PCBP3: variants seen among roughly 807,000 people sequenced by gnomAD.
The protein encoded by PCBP3 is poly(rC) binding protein 3.
A neutral mutation model predicts 52.7 loss-of-function variants in PCBP3; 25 were observed. The observed-to-expected ratio is 0.47, with a 90% CI of 0.35 to 0.66. The LOEUF is 0.66. Ranked by LOEUF, PCBP3 falls within the 30% of genes least tolerant of loss-of-function variation. PCBP3 has a pLI of 0.01. For missense variants in PCBP3, 391 were observed against 490.3 expected, an observed-to-expected ratio of 0.80 and a Z score of 1.91; for synonymous variants, 162 against 183.0, an observed-to-expected ratio of 0.89 and a Z score of 0.93.
At chr21:45,836,388 G>A (rs2093589176) in intron 4 of PCBP3, 1 of 152,182 alleles carries the variant, frequency 6.6e-6, no homozygotes, top group Admixed American at 6.6e-5. Flanking sequence ...GGGGTTTGGT[G>A]CTTGCTGCCT....
intron 2 of PCBP3, among the ~76,000 whole-genome samples, chr21:45,705,032 G>T (rs1268498599): frequency 1.3e-5 from 2 of 152,176 alleles, no homozygotes; most frequent in Non-Finnish European, 2.9e-5. Flanking sequence ...TGTTGTGAGG[G>T]TCACCTTGCT....
At chr21:45,894,354 A>T (rs1327415147) in intron 5 of PCBP3, among the ~76,000 whole-genome samples, 2 of 151,820 alleles carry the variant, frequency 1.3e-5, no homozygotes, top group Non-Finnish European at 1.5e-5. Flanking sequence ...TGTCCCTCTG[A>T]TGGGGAGGAG....
At chr21:45,843,722 GAT>G (rs543872023) in intron 4 of PCBP3, among the ~76,000 whole-genome samples, 122 of 152,328 alleles carry the variant, frequency 8.0e-4, no homozygotes, top group African/African-American at 2.8e-3. Flanking sequence ...CTGAGTAGGA[GAT>G]ATGTTCTGTG....
intron 2 of PCBP3, among the ~76,000 whole-genome samples, chr21:45,685,284 T>C (rs2082084612): frequency 6.6e-6 from 1 of 152,120 alleles, no homozygotes; most frequent in South Asian, 2.1e-4. Context: ...GGATACAGAG[T>C]TTCAGTTTTG....
At chr21:45,758,181 T>C (rs1346780117) in intron 4 of PCBP3, among the ~76,000 whole-genome samples, 1 of 152,248 alleles carries the variant, frequency 6.6e-6, no homozygotes, top group Non-Finnish European at 1.5e-5. Flanking sequence ...CTGGCCAGTC[T>C]ATGTATATTC....
intron 13 of PCBP3, among the ~76,000 whole-genome samples, chr21:45,925,102 G>A (rs1369541373): frequency 9.0e-5 from 7 of 77,410 alleles, no homozygotes; most frequent in African/African-American, 5.5e-4. Context: ...GGGAACAGTC[G>A]CGTGGGTAGA....
chr21:45,728,417 G>C (rs2085217134), intron 2 of PCBP3, among the ~76,000 whole-genome samples: 1 of 152,094 alleles, frequency 6.6e-6, no homozygotes, highest in Non-Finnish European at 1.5e-5. Context: ...TAAGCCAGTT[G>C]CATTTCTGGG....
chr21:45,704,855 A>G lies in PCBP3; in HGVS notation c.-199-30537A>G, dbSNP rs942197799. ...GTGATACAGTGCAGGTAGACGACAC[A>G]GGGCGCTGCTGTCTGCTGAATACAT... is the stretch of plus-strand genomic sequence containing the variant. On this transcript the variant is annotated intron_variant, in intron 2 of 17. Transcript: ENST00000681687. The surrounding 1 kb of genome is among the most constrained non-coding windows in gnomAD (Gnocchi z 4.1). 4.6e-5 allele frequency among the ~76,000 whole-genome samples: 7 copies of G among 152,234 alleles called. 1 individual carries two copies. The highest frequency in any genetic ancestry group is 1.7e-4 in the African/African-American group (7 of 41,476).
intron 4 of PCBP3, among the ~76,000 whole-genome samples, chr21:45,770,010 G>T (rs2145776846): frequency 1.3e-5 from 2 of 152,302 alleles, no homozygotes; most frequent in South Asian, 4.1e-4. Context: ...GGCACACAGT[G>T]GGCCGTGGAG....
At position 45,791,028 on chromosome 21, in the gene PCBP3, G is replaced by A. The variant is rs1311923465; in HGVS notation, c.-126+35576G>A. Among the ~76,000 whole-genome samples, 3 of 152,250 alleles carry A rather than the reference G, an allele frequency of 2.0e-5. No homozygotes were observed. The East Asian group carries it at 5.8e-4, about 30-fold the overall frequency. On this transcript the variant is annotated intron_variant, in intron 4 of 17. Coordinates refer to ENST00000681687, the MANE Select transcript of PCBP3 (RefSeq NM_001384156.1). This position sits in a 1 kb window ranked among gnomAD's most constrained non-coding sequence, Gnocchi z 4.2. ...CAAGGGCAGGAGAACCACTGGGGCA[G>A]CCTTGGGATGCCCAGGATGGGGGTG...
chr21:45,863,803 G>A (rs1375365543), intron 5 of PCBP3, among the ~76,000 whole-genome samples: 4 of 152,228 alleles, frequency 2.6e-5, no homozygotes, highest in South Asian at 2.1e-4. Flanking sequence ...CGGGCAGGAC[G>A]GTTGGCTGAG....
chr21:45,734,985 A>C (rs2085755986), intron 2 of PCBP3, among the ~76,000 whole-genome samples: 1 of 152,198 alleles, frequency 6.6e-6, no homozygotes, highest in Non-Finnish European at 1.5e-5. Context: ...AAGGCCCTTC[A>C]GGGTGGAGCC....
At chr21:45,900,135 C>T (rs2095989906) in intron 7 of PCBP3, among the ~76,000 whole-genome samples, 1 of 152,244 alleles carries the variant, frequency 6.6e-6, no homozygotes, top group East Asian at 1.9e-4. Context: ...GGGTCCTTCC[C>T]CTCAGTCCCA....
chr21:45,902,390 T>A (rs942045571), intron 9 of PCBP3, among the ~76,000 whole-genome samples: 7 of 151,810 alleles, frequency 4.6e-5, no homozygotes, highest in Admixed American at 2.0e-4. Context: ...TAGTTTCCCC[T>A]TTAAGCCACT....
chr21:45,684,692 A>T (rs2082049462), intron 2 of PCBP3, among the ~76,000 whole-genome samples: 4 of 152,202 alleles, frequency 2.6e-5, no homozygotes, highest in Admixed American at 1.3e-4. Flanking sequence ...GGCCAAGCAG[A>T]TGCTGGTGCC....
chr21:45,820,012 G>C (rs2093082710), intron 4 of PCBP3, among the ~76,000 whole-genome samples: 2 of 152,214 alleles, frequency 1.3e-5, no homozygotes, highest in Admixed American at 1.3e-4. Flanking sequence ...CGCTGGGGAA[G>C]GTGGGGTGAA....
intron 4 of PCBP3, among the ~76,000 whole-genome samples, chr21:45,764,791 GAA>G (rs1200264212): frequency 2.0e-5 from 3 of 152,238 alleles, no homozygotes; most frequent in African/African-American, 7.2e-5. Context: ...TCTAGCAAGG[GAA>G]AGAGTGGTGC....
intron 4 of PCBP3, among the ~76,000 whole-genome samples, chr21:45,804,739 G>A (rs564848122): frequency 6.6e-6 from 1 of 152,218 alleles, no homozygotes; most frequent in African/African-American, 2.4e-5. Context: ...GCCAGTTTTA[G>A]CCACATGAAG....
chr21:45,754,243 A>T (rs76497838), intron 3 of PCBP3, among the ~76,000 whole-genome samples: 1 of 152,174 alleles, frequency 6.6e-6, no homozygotes. Flanking sequence ...ATATAATATT[A>T]TAATGAAAAT....
Sources: gnomAD v4.1 joint callset for allele counts (sites outside exome capture counted in the v4.1 genomes callset) on GRCh38, gnomAD v4.1.1 for gene constraint, Gnocchi (gnomAD v3.1) non-coding constraint, MANE v1.5 for transcripts, NCBI Gene and HGNC (gene_info 2026-07-23, HGNC 2026-07-21) for gene names.